The following FBXO4 variants were observed in gnomAD, a reference collection of about 807,000 sequenced individuals.
FBXO4 encodes F-box protein 4.
Under a neutral mutation model 43.7 loss-of-function variants are expected in FBXO4, and 36 were observed. The ratio of observed to expected loss-of-function variants is 0.82; its 90% CI spans 0.63 to 1.09. FBXO4 has a LOEUF of 1.09. Ranked by LOEUF, FBXO4 falls within the 50% of genes least tolerant of loss-of-function variation. The probability of loss-of-function intolerance (pLI) is 0.00; values close to 1 mark genes in which losing one functional copy is unlikely to be tolerated. For synonymous variants in FBXO4, 180 were observed against 165.6 expected (o/e 1.09, Z -0.67); for missense variants, 435 against 474.1 (o/e 0.92, Z 0.77).
the FBXO4 span, among the ~76,000 whole-genome samples, chr5:41,962,408 G>A: frequency 6.6e-6 from 1 of 152,116 alleles, no homozygotes; most frequent in Non-Finnish European, 1.5e-5. Flanking sequence ...GGCCCTGAGT[G>A]CCTAGAGAAT....
chr5:41,947,830 A>G, the FBXO4 span, among the ~76,000 whole-genome samples: 1 of 152,194 alleles, frequency 6.6e-6, no homozygotes, highest in Non-Finnish European at 1.5e-5. Flanking sequence ...GGCTGACATC[A>G]ATATGATCAG....
At chr5:41,975,405 A>G in the FBXO4 span, among the ~76,000 whole-genome samples, 1 of 152,234 alleles carries the variant, frequency 6.6e-6, no homozygotes, top group African/African-American at 2.4e-5. Context: ...GCCAGAATTT[A>G]TTAGACTCCA....
the FBXO4 span, among the ~76,000 whole-genome samples, chr5:42,030,297 A>G: frequency 2.0e-5 from 3 of 152,162 alleles, no homozygotes; most frequent in Non-Finnish European, 4.4e-5. Context: ...CTCAGAAATA[A>G]TGCTGCATGT....
chr5:42,025,562 C>T, the FBXO4 span, among the ~76,000 whole-genome samples: 11 of 151,820 alleles, frequency 7.2e-5, no homozygotes, highest in Non-Finnish European at 1.2e-4. Flanking sequence ...CCCATTTATT[C>T]ATTTTTGCTT....
At chr5:41,939,238 G>T in intron 5 of FBXO4, 2 of 432,956 alleles carry the variant, frequency 4.6e-6, no homozygotes, top group Non-Finnish European at 4.1e-6. Context: ...GACATCTACA[G>T]AATTTGTGAA....
the FBXO4 span, among the ~76,000 whole-genome samples, chr5:42,030,272 G>C: frequency 6.6e-6 from 1 of 152,002 alleles, no homozygotes; most frequent in Non-Finnish European, 1.5e-5. Flanking sequence ...TAGACCAATG[G>C]AACAGAACAG....
At chr5:41,974,787 G>A in the FBXO4 span, among the ~76,000 whole-genome samples, 1 of 152,024 alleles carries the variant, frequency 6.6e-6, no homozygotes, top group African/African-American at 2.4e-5. Flanking sequence ...TTTTTGCTTG[G>A]TAGTGTGTGT....
the FBXO4 span, among the ~76,000 whole-genome samples, chr5:41,986,846 T>G: frequency 4.6e-5 from 7 of 152,232 alleles, no homozygotes; most frequent in South Asian, 2.1e-4. Context: ...TAAGATAGGT[T>G]TTAGGTGGAT....
the FBXO4 span, among the ~76,000 whole-genome samples, chr5:42,002,054 T>C: frequency 1.3e-5 from 2 of 152,318 alleles, no homozygotes; most frequent in Non-Finnish European, 2.9e-5. Flanking sequence ...TAAATGTGTA[T>C]GTTGATTTTG....
chr5:41,999,555 A>G, the FBXO4 span, among the ~76,000 whole-genome samples: 235 of 121,762 alleles, frequency 1.9e-3, 2 homozygotes, highest in Middle Eastern at 4.1e-3. Flanking sequence ...GTATATATAT[A>G]TATATATGTA....
At chr5:41,971,732 T>C in the FBXO4 span, among the ~76,000 whole-genome samples, 1 of 152,118 alleles carries the variant, frequency 6.6e-6, no homozygotes, top group Non-Finnish European at 1.5e-5. Context: ...TTCTTCTCTG[T>C]TACATTATGT....
intron 3 of FBXO4, among the ~76,000 whole-genome samples, chr5:41,933,591 A>C (rs1448499465): frequency 3.3e-5 from 5 of 152,166 alleles, no homozygotes; most frequent in Non-Finnish European, 7.3e-5. Flanking sequence ...TGATTATTAG[A>C]CTAATGAGAA....
the FBXO4 span, among the ~76,000 whole-genome samples, chr5:41,979,498 C>T: frequency 6.6e-6 from 1 of 152,194 alleles, no homozygotes; most frequent in Admixed American, 6.5e-5. Context: ...AATCACCTCT[C>T]AGGAAAAGAC....
the FBXO4 span, among the ~76,000 whole-genome samples, chr5:42,020,678 T>G: frequency 6.6e-6 from 1 of 152,212 alleles, no homozygotes; most frequent in Non-Finnish European, 1.5e-5. Flanking sequence ...TCTGTTTGCA[T>G]TCCGGGGAGG....
chr5:41,948,325 C>T, the FBXO4 span, among the ~76,000 whole-genome samples: 1 of 151,948 alleles, frequency 6.6e-6, no homozygotes, highest in Non-Finnish European at 1.5e-5. Flanking sequence ...TTAGTAGAGA[C>T]GGGGTTTCAC....
the FBXO4 span, among the ~76,000 whole-genome samples, chr5:42,003,839 T>C: frequency 6.6e-6 from 1 of 152,102 alleles, no homozygotes. Flanking sequence ...GATCTAGAAC[T>C]AGAAATACCA....
rs1752001534 is a variant in FBXO4 at position 41,941,383 on chromosome 5, A to C, written c.*102A>C. On this transcript the variant is annotated 3_prime_UTR_variant, in exon 7 of 7. Coordinates refer to ENST00000281623, the MANE Select transcript of FBXO4 (RefSeq NM_012176.3). ...AGCCCACCTTGTCCTGCCTTTTTGCAGATAGGCTTTCATTTGGACAGCTAT... is the reference window on the plus strand; with the variant it reads ...AGCCCACCTTGTCCTGCCTTTTTGCCGATAGGCTTTCATTTGGACAGCTAT... 4.4e-6 allele frequency: 4 copies of C among 909,126 alleles called. No homozygotes were observed. 56.3% of individuals were successfully genotyped at this position (909,126 alleles called of 1,614,324 possible). A position where few individuals can be genotyped will look rare whatever the true frequency, so the allele number is the denominator to read the frequency against.
At chr5:41,997,100 C>T in the FBXO4 span, among the ~76,000 whole-genome samples, 1 of 152,200 alleles carries the variant, frequency 6.6e-6, no homozygotes, top group East Asian at 1.9e-4. Flanking sequence ...AGGCAAAATG[C>T]TTCTGGTGGG....
downstream of FBXO4, among the ~76,000 whole-genome samples, chr5:41,945,733 C>T (rs1005954981): frequency 9.9e-5 from 15 of 152,182 alleles, no homozygotes; most frequent in African/African-American, 3.4e-4. Flanking sequence ...GGCTATATCT[C>T]ATCTTGCCAT....
Sources: allele counts gnomAD v4.1 joint callset (sites outside exome capture counted in the v4.1 genomes callset), GRCh38; gene constraint gnomAD v4.1.1; transcripts MANE v1.5; gene names NCBI Gene and HGNC (gene_info 2026-07-23, HGNC 2026-07-21).